The following EYA2 variants were observed in gnomAD, a reference collection of about 807,000 sequenced individuals.
EYA2 encodes protein phosphatase EYA2.
In EYA2, 31 loss-of-function variants were observed where a neutral mutation model predicts 69.2. The observed-to-expected ratio is 0.45, with a 90% CI of 0.34 to 0.60. The LOEUF is 0.60. Among genes scored for constraint, EYA2 ranks in the 20% least tolerant of loss-of-function variants. The probability of loss-of-function intolerance (pLI) is 0.02; values close to 1 mark genes in which losing one functional copy is unlikely to be tolerated. For synonymous variants in EYA2, 257 were observed against 279.4 expected (o/e 0.92, Z 0.80); for missense variants, 622 against 701.2 (o/e 0.89, Z 1.28).
intron 1 of EYA2, among the ~76,000 whole-genome samples, chr20:46,908,948 A>T (rs1358478977): frequency 2.8e-5 from 4 of 140,434 alleles, no homozygotes; most frequent in Non-Finnish European, 6.0e-5. Context: ...GATGCTAAAA[A>T]TTGTTTCCAG....
chr20:47,018,674 C>T (rs1983560796), intron 5 of EYA2, among the ~76,000 whole-genome samples: 1 of 152,186 alleles, frequency 6.6e-6, no homozygotes, highest in Non-Finnish European at 1.5e-5. Flanking sequence ...TCAAGGACTC[C>T]AGAGGAGCCT....
intron 1 of EYA2, among the ~76,000 whole-genome samples, chr20:46,973,267 C>T (rs1421687247): frequency 6.6e-6 from 1 of 152,154 alleles, no homozygotes; most frequent in Admixed American, 6.5e-5. Context: ...CAGACAAATA[C>T]AGAACGTGAG....
At chr20:46,896,527 C>G (rs564401012) in intron 1 of EYA2, among the ~76,000 whole-genome samples, 2 of 152,102 alleles carry the variant, frequency 1.3e-5, no homozygotes, top group African/African-American at 4.8e-5. Context: ...TTCCACTTGT[C>G]TTTCTTCATC....
intron 5 of EYA2, among the ~76,000 whole-genome samples, chr20:47,038,585 T>G (rs1457153751): frequency 6.6e-6 from 1 of 151,664 alleles, no homozygotes; most frequent in Non-Finnish European, 1.5e-5. Flanking sequence ...CTGAGGGGTC[T>G]GTGTGTGTGT....
rs1228480990 is a variant in EYA2 at position 47,180,779 on chromosome 20, C to A, written c.1314-36C>A. ...AAGAGGAGGCCTGGCCTTGTGGTCC[C>A]TCTGAGTTCTGATCCACAGTCTCCT... On this transcript the variant is annotated intron_variant, in intron 13 of 15. Coordinates refer to ENST00000327619, the MANE Select transcript of EYA2 (RefSeq NM_005244.5). 5 of 1,608,700 alleles carry A rather than the reference C, an allele frequency of 3.1e-6. No individual in the cohort carries two copies. In the South Asian group the frequency reaches 5.6e-5, roughly 18 times the overall value.
At chr20:46,956,787 G>C (rs1158748209) in intron 1 of EYA2, among the ~76,000 whole-genome samples, 1 of 152,220 alleles carries the variant, frequency 6.6e-6, no homozygotes, top group Non-Finnish European at 1.5e-5. Flanking sequence ...ACATGCCTGA[G>C]ACTGGATAAC....
intron 5 of EYA2, among the ~76,000 whole-genome samples, chr20:47,065,962 T>C (rs1441892305): frequency 6.6e-6 from 1 of 152,232 alleles, no homozygotes; most frequent in East Asian, 1.9e-4. Context: ...CACGGTGATA[T>C]TTGGTACATC....
chr20:47,023,027 T>C (rs1466319586), intron 5 of EYA2, among the ~76,000 whole-genome samples: 1 of 152,030 alleles, frequency 6.6e-6, no homozygotes, highest in Non-Finnish European at 1.5e-5. Flanking sequence ...CTCCCTCCGA[T>C]ATATTCCTTT....
At chr20:47,052,776 C>T (rs930503448) in intron 5 of EYA2, among the ~76,000 whole-genome samples, 3 of 152,042 alleles carry the variant, frequency 2.0e-5, no homozygotes, top group African/African-American at 7.2e-5. Context: ...ATACACGTGT[C>T]ACCATACCCG....
chr20:47,077,554 G>A (rs2031560794), intron 7 of EYA2, among the ~76,000 whole-genome samples: 1 of 152,138 alleles, frequency 6.6e-6, no homozygotes, highest in Non-Finnish European at 1.5e-5. Flanking sequence ...AGGAACAATA[G>A]GGAAGACCCA....
chr20:47,021,805 A>G (rs1983767743), intron 5 of EYA2, among the ~76,000 whole-genome samples: 1 of 152,072 alleles, frequency 6.6e-6, no homozygotes, highest in Non-Finnish European at 1.5e-5. Context: ...AAGTTCAGTA[A>G]AAGCACTTGT....
At chr20:47,016,419 G>T in intron 5 of EYA2, 122 bp downstream of exon 5, 1 of 723,754 alleles carries the variant, frequency 1.4e-6, no homozygotes, top group Admixed American at 2.1e-5. Context: ...TCTATCTCGA[G>T]GAGTGGAGAA....
chr20:47,078,374 CTT>C (rs1568763972), intron 7 of EYA2, among the ~76,000 whole-genome samples: 3 of 150,954 alleles, frequency 2.0e-5, no homozygotes, highest in East Asian at 2.0e-4. Flanking sequence ...TTCATGCACT[CTT>C]TTTAAATTTC....
chr20:46,975,197 T>C (rs1150442), intron 1 of EYA2, among the ~76,000 whole-genome samples: 106,583 of 151,956 alleles, frequency 0.7, 38,250 homozygotes, highest in African/African-American at 0.75. Context: ...CAGAGCTGCA[T>C]GTGTGATAAA....
At chr20:47,107,766 AAAG>A (rs1327902181) in intron 9 of EYA2, among the ~76,000 whole-genome samples, 8 of 144,460 alleles carry the variant, frequency 5.5e-5, no homozygotes, top group Admixed American at 1.4e-4. Flanking sequence ...AAAGGAGAAG[AAAG>A]AAGAAGTAGG....
chr20:46,933,051 T>C (rs577577430), intron 1 of EYA2, among the ~76,000 whole-genome samples: 56 of 152,338 alleles, frequency 3.7e-4, no homozygotes, highest in African/African-American at 1.2e-3. Flanking sequence ...TTAAACCTCC[T>C]TTATTTATAA....
In EYA2 at chr20:47,146,545, C is replaced by A. The variant is rs1273468262; in HGVS notation, c.978+3397C>A. On this transcript the variant is annotated intron_variant, in intron 10 of 15. Transcript: ENST00000327619. ...TCGAAAATGTCCCAGTGCCAGAAGCCCCCCAGGGCACCTCAGCAGAATTGA... is the reference window on the plus strand; with the variant it reads ...TCGAAAATGTCCCAGTGCCAGAAGCACCCCAGGGCACCTCAGCAGAATTGA... Among the ~76,000 whole-genome samples the A allele has an allele frequency of 4.6e-5, 7 of 152,234 alleles. No homozygotes were observed. The East Asian group carries it at 7.7e-4, about 17-fold the overall frequency.
chr20:46,907,197 G>T (rs1452802964), intron 1 of EYA2, among the ~76,000 whole-genome samples: 5 of 152,162 alleles, frequency 3.3e-5, no homozygotes, highest in Admixed American at 1.3e-4. Context: ...CTTCCTACAG[G>T]GCACAAATGC....
intron 7 of EYA2, among the ~76,000 whole-genome samples, chr20:47,080,905 T>A (rs2031689988): frequency 6.6e-6 from 1 of 152,212 alleles, no homozygotes; most frequent in African/African-American, 2.4e-5. Flanking sequence ...TCTTACTCTG[T>A]CACCCAGGCT....
Sources: gnomAD v4.1 joint callset for allele counts (sites outside exome capture counted in the v4.1 genomes callset) on GRCh38, gnomAD v4.1.1 for gene constraint, MANE v1.5 for transcripts, NCBI Gene and HGNC (gene_info 2026-07-23, HGNC 2026-07-21) for gene names.